Variants in KCNH7 observed in about 807,000 individuals in gnomAD.
The protein encoded by KCNH7 is voltage-gated inwardly rectifying potassium channel KCNH7.
Under a neutral mutation model 120.8 loss-of-function variants are expected in KCNH7, and 49 were observed. The observed-to-expected ratio is 0.41, with a 90% CI of 0.32 to 0.51. The LOEUF (loss-of-function observed/expected upper bound fraction) is 0.51, where lower values mean the gene tolerates loss of function less well. KCNH7 is among the 20% of genes least tolerant of loss of function. The pLI, the probability that KCNH7 is intolerant of heterozygous loss-of-function variation, is 0.38. For missense variants in KCNH7, 1,097 were observed against 1,446.6 expected (o/e 0.76, Z 3.92); for synonymous variants, 547 against 516.1 (o/e 1.06, Z -0.81).
At chr2:162,717,938 C>T (rs970230983) in intron 2 of KCNH7, among the ~76,000 whole-genome samples, 1 of 152,036 alleles carries the variant, frequency 6.6e-6, no homozygotes, top group Non-Finnish European at 1.5e-5. Context: ...AAATCTCATG[C>T]CACATTTAAC....
At chr2:162,701,895 T>A (rs1686516668) in intron 2 of KCNH7, among the ~76,000 whole-genome samples, 1 of 151,932 alleles carries the variant, frequency 6.6e-6, no homozygotes, top group African/African-American at 2.4e-5. Context: ...TAGTCCCAGC[T>A]ACTTGGGAGG....
intron 2 of KCNH7, among the ~76,000 whole-genome samples, chr2:162,662,671 C>T (rs1685003686): frequency 6.6e-6 from 1 of 152,166 alleles, no homozygotes; most frequent in Admixed American, 6.5e-5. Flanking sequence ...CCTCTGTGAT[C>T]ACCCTCCTTT....
intron 2 of KCNH7, among the ~76,000 whole-genome samples, chr2:162,583,133 CCTGA>C (rs1271273117): frequency 4.6e-5 from 7 of 151,922 alleles, no homozygotes; most frequent in Non-Finnish European, 7.4e-5. Context: ...AACAAGTCTG[CCTGA>C]CTAATAGCTG....
chr2:162,807,256 CAAAAAAAAA>C (rs745345993), intron 2 of KCNH7, among the ~76,000 whole-genome samples: 2,405 of 15,596 alleles, frequency 0.15, 31 homozygotes, highest in African/African-American at 0.32. Flanking sequence ...ACTAAAAATA[CAAAAAAAAA>C]AAAAAAAAAA....
chr2:162,379,289 C>T (rs562336933), intron 14 of KCNH7, among the ~76,000 whole-genome samples: 63 of 152,204 alleles, frequency 4.1e-4, no homozygotes, highest in South Asian at 6.2e-4. Context: ...AAAGAAACCA[C>T]GCAGACTTAG....
intron 2 of KCNH7, among the ~76,000 whole-genome samples, chr2:162,561,674 G>A (rs1693070714): frequency 6.6e-6 from 1 of 152,048 alleles, no homozygotes; most frequent in African/African-American, 2.4e-5. Flanking sequence ...ATGTTCGTTG[G>A]TTGCATAAAT....
intron 2 of KCNH7, among the ~76,000 whole-genome samples, chr2:162,569,375 A>C (rs1324638994): frequency 1.3e-5 from 2 of 150,964 alleles, no homozygotes. Flanking sequence ...CGGTGGTGAT[A>C]TCCTCTTTAT....
chr2:162,591,030 A>C (rs540806402), intron 2 of KCNH7, among the ~76,000 whole-genome samples: 2 of 151,986 alleles, frequency 1.3e-5, no homozygotes, highest in African/African-American at 4.8e-5. Context: ...CTCACCCCCA[A>C]TGCCCTTGGG....
intron 2 of KCNH7, among the ~76,000 whole-genome samples, chr2:162,577,301 C>G (rs1423940034): frequency 7.0e-6 from 1 of 143,794 alleles, no homozygotes; most frequent in Non-Finnish European, 1.5e-5. Flanking sequence ...GTCTATCTAT[C>G]TATCTATCTA....
At chr2:162,781,617 T>C (rs1264015851) in intron 2 of KCNH7, among the ~76,000 whole-genome samples, 1 of 152,140 alleles carries the variant, frequency 6.6e-6, no homozygotes, top group Non-Finnish European at 1.5e-5. Context: ...AAAGGTGTTT[T>C]TGGATTTCAT....
In KCNH7 at chr2:162,559,054, C is replaced by CAAA. The variant is rs780823559; in HGVS notation, c.308-21977_308-21975dup. Among the ~76,000 whole-genome samples, 47 of 36,786 alleles carry CAAA rather than the reference C, an allele frequency of 1.3e-3. 1 individual carries two copies. Among genetic ancestry groups the CAAA allele is most frequent in the African/African-American group, 2.5e-3 (24 of 9,418 alleles). 24.1% of individuals were successfully genotyped at this position (36,786 alleles called of 152,430 possible). A position where few individuals can be genotyped will look rare whatever the true frequency, so the allele number is the denominator to read the frequency against. On this transcript the variant is annotated intron_variant, in intron 2 of 15. Transcript: ENST00000332142. Reference sequence around the variant, plus strand: ...TGGGCAACAGAGCAAGACTCTGCCTCAAAAAAAAAAAAAAAAAAAAAAGCA... The same window carrying CAAA: ...TGGGCAACAGAGCAAGACTCTGCCTCAAAAAAAAAAAAAAAAAAAAAAAAAGCA...
chr2:162,419,741 T>C (rs370262585), intron 9 of KCNH7, among the ~76,000 whole-genome samples: 1 of 152,186 alleles, frequency 6.6e-6, no homozygotes, highest in African/African-American at 2.4e-5. Flanking sequence ...CAGAAAGATA[T>C]ATGGACCATG....
chr2:162,657,505 C>T (rs1204593510), intron 2 of KCNH7, among the ~76,000 whole-genome samples: 1 of 152,108 alleles, frequency 6.6e-6, no homozygotes, highest in African/African-American at 2.4e-5. Flanking sequence ...CTTTTTATTA[C>T]TATTTATTTA....
At chr2:162,764,041 T>C (rs1360822301) in intron 2 of KCNH7, among the ~76,000 whole-genome samples, 1 of 152,056 alleles carries the variant, frequency 6.6e-6, no homozygotes, top group African/African-American at 2.4e-5. Context: ...GTTTATAAAG[T>C]TCCTCTTTAG....
At chr2:162,753,332 T>C (rs1486934732) in intron 2 of KCNH7, among the ~76,000 whole-genome samples, 1 of 152,140 alleles carries the variant, frequency 6.6e-6, no homozygotes, top group Non-Finnish European at 1.5e-5. Context: ...CCTACAGAAA[T>C]GGACACATAC....
At chr2:162,581,316 C>T (rs1266679066) in intron 2 of KCNH7, among the ~76,000 whole-genome samples, 1 of 151,982 alleles carries the variant, frequency 6.6e-6, no homozygotes, top group Non-Finnish European at 1.5e-5. Context: ...CTTTTGTATC[C>T]GTAAGTGATG....
intron 2 of KCNH7, among the ~76,000 whole-genome samples, chr2:162,636,868 T>C (rs1262628330): frequency 6.6e-6 from 1 of 152,098 alleles, no homozygotes; most frequent in African/African-American, 2.4e-5. Context: ...TAATAGATCT[T>C]GCTTTGTCAT....
At chr2:162,557,625 A>G (rs1692904651) in intron 2 of KCNH7, among the ~76,000 whole-genome samples, 2 of 152,192 alleles carry the variant, frequency 1.3e-5, no homozygotes. Context: ...TGAAAACAAT[A>G]TATGATGTCA....
chr2:162,658,289 G>C (rs1314289150), intron 2 of KCNH7, among the ~76,000 whole-genome samples: 1 of 151,946 alleles, frequency 6.6e-6, no homozygotes, highest in Non-Finnish European at 1.5e-5. Context: ...CTTTGTTAAA[G>C]GATAGGTGAC....
Sources: allele counts gnomAD v4.1 joint callset (sites outside exome capture counted in the v4.1 genomes callset), GRCh38; gene constraint gnomAD v4.1.1; transcripts MANE v1.5; gene names NCBI Gene and HGNC (gene_info 2026-07-23, HGNC 2026-07-21).